TLN2: variants seen among roughly 807,000 people sequenced by gnomAD.
TLN2 encodes the protein talin-2.
TLN2 carries 118 observed loss-of-function variants against 294.7 expected under a neutral mutation model. The observed-to-expected ratio is 0.40, with a 90% CI of 0.34 to 0.47. TLN2 has a LOEUF of 0.47. Among genes scored for constraint, TLN2 ranks in the 20% least tolerant of loss-of-function variants. The pLI, the probability that TLN2 is intolerant of heterozygous loss-of-function variation, is 0.84. For synonymous variants in TLN2, 1,431 were observed against 1,304.5 expected (o/e 1.10, Z -2.09); for missense variants, 3,083 against 3,282.2 (o/e 0.94, Z 1.48).
chr15:62,757,264 C>A (rs1595892217), intron 37 of TLN2, among the ~76,000 whole-genome samples: 1 of 152,210 alleles, frequency 6.6e-6, no homozygotes, highest in Non-Finnish European at 1.5e-5. Flanking sequence ...ATGCTGTTCA[C>A]CTCTTTGGGA....
At chr15:62,466,974 C>G (rs1280603221) in intron 1 of TLN2, among the ~76,000 whole-genome samples, 1 of 152,154 alleles carries the variant, frequency 6.6e-6, no homozygotes, top group Non-Finnish European at 1.5e-5. Flanking sequence ...ATTCTGAAAG[C>G]CAGTGAAGAA....
chr15:62,641,968 C>A (rs2051170330), intron 3 of TLN2, among the ~76,000 whole-genome samples: 1 of 152,198 alleles, frequency 6.6e-6, no homozygotes. Flanking sequence ...CCTGAGCAGC[C>A]TGCACTGCTG....
At chr15:62,761,527 C>G (rs970520734) in intron 37 of TLN2, among the ~76,000 whole-genome samples, 154 bp from the exon 38 acceptor site, 1 of 152,106 alleles carries the variant, frequency 6.6e-6, no homozygotes, top group African/African-American at 2.4e-5. Flanking sequence ...TGGCAGGGGT[C>G]TCTTTCATCA....
intron 1 of TLN2, among the ~76,000 whole-genome samples, chr15:62,504,081 C>T (rs1027607294): frequency 6.6e-6 from 1 of 152,168 alleles, no homozygotes; most frequent in Admixed American, 6.5e-5. Flanking sequence ...AATTATTTTG[C>T]AGAGATTTGC....
At chr15:62,470,233 G>T (rs1372597023) in intron 1 of TLN2, among the ~76,000 whole-genome samples, 1 of 152,144 alleles carries the variant, frequency 6.6e-6, no homozygotes, top group Non-Finnish European at 1.5e-5. Flanking sequence ...GGACCCATTC[G>T]GGAGGATGGC....
intron 58 of TLN2, 121 bp downstream of exon 58, chr15:62,839,102 G>A: frequency 1.5e-6 from 2 of 1,358,686 alleles, no homozygotes; most frequent in Non-Finnish European, 2.0e-6. Context: ...CAGAGATGGT[G>A]TGGTGTTTCC....
At chr15:62,769,390 G>A (rs1458431943) in intron 41 of TLN2, among the ~76,000 whole-genome samples, 4 of 152,142 alleles carry the variant, frequency 2.6e-5, no homozygotes, top group Non-Finnish European at 5.9e-5. Context: ...GGCTGAAGTG[G>A]GAAGTAGGGA....
At chr15:62,635,122 T>C (rs913728006) in intron 3 of TLN2, among the ~76,000 whole-genome samples, 3 of 152,176 alleles carry the variant, frequency 2.0e-5, no homozygotes, top group Admixed American at 2.0e-4. Context: ...TTAATGCATA[T>C]TCATTTAACT....
At chr15:62,547,410 A>G (rs2042055247) in intron 1 of TLN2, among the ~76,000 whole-genome samples, 1 of 152,226 alleles carries the variant, frequency 6.6e-6, no homozygotes, top group Non-Finnish European at 1.5e-5. Flanking sequence ...TTCAGTGGAC[A>G]TAGTACTGGG....
chr15:62,476,754 C>T (rs1259223896), intron 1 of TLN2, among the ~76,000 whole-genome samples: 1 of 152,206 alleles, frequency 6.6e-6, no homozygotes, highest in Non-Finnish European at 1.5e-5. Context: ...CTTTACTGGC[C>T]TTCGAGAAAG....
intron 1 of TLN2, among the ~76,000 whole-genome samples, chr15:62,553,835 T>G (rs2042456740): frequency 6.6e-6 from 1 of 152,180 alleles, no homozygotes; most frequent in South Asian, 2.1e-4. Flanking sequence ...TTAAAATGCT[T>G]AAGTTGTCAA....
At chr15:62,456,361 T>A (rs1595847875) in intron 1 of TLN2, among the ~76,000 whole-genome samples, 1 of 152,214 alleles carries the variant, frequency 6.6e-6, no homozygotes, top group Non-Finnish European at 1.5e-5. Context: ...AGCTGCAGCC[T>A]CAGCCGCACG....
At position 62,572,010 on chromosome 15, in the gene TLN2, T is replaced by C. The variant is rs180776284; in HGVS notation, c.-237-17677T>C. Among the ~76,000 whole-genome samples, 660 of 152,334 alleles carry C rather than the reference T, an allele frequency of 4.3e-3. 5 individuals carry two copies. Among genetic ancestry groups the C allele is most frequent in the African/African-American group, 0.015 (635 of 41,578 alleles). Reference sequence around the variant, plus strand: ...ATCTTTTGTGCCTTTGTGTCTGATGTGCTGATATGGGAGGGTGCGGAGCCT... The same window carrying C: ...ATCTTTTGTGCCTTTGTGTCTGATGCGCTGATATGGGAGGGTGCGGAGCCT... On this transcript the variant is annotated intron_variant, in intron 1 of 58. Transcript: ENST00000636159.
intron 1 of TLN2, among the ~76,000 whole-genome samples, chr15:62,413,818 C>A (rs1018331704): frequency 1.3e-5 from 2 of 152,134 alleles, no homozygotes; most frequent in Non-Finnish European, 2.9e-5. Context: ...AATCTGAAGC[C>A]TTTGACATTT....
chr15:62,619,086 AT>A (rs11334952), intron 3 of TLN2, among the ~76,000 whole-genome samples: 21,548 of 146,710 alleles, frequency 0.15, 1,664 homozygotes, highest in South Asian at 0.21. Flanking sequence ...GAGATGTTTG[AT>A]TTTTTTTTTT....
chr15:62,763,311 G>A (rs527580224), intron 39 of TLN2: 1 of 327,492 alleles, frequency 3.1e-6, no homozygotes, highest in East Asian at 4.8e-5. Flanking sequence ...CAGTTGCCTG[G>A]TATCAGCCTA....
intron 1 of TLN2, among the ~76,000 whole-genome samples, chr15:62,440,304 T>TA (rs1253687156): frequency 6.6e-6 from 1 of 152,160 alleles, no homozygotes; most frequent in East Asian, 1.9e-4. Context: ...TGGTATGACT[T>TA]ACCTCTTTAA....
intron 37 of TLN2, among the ~76,000 whole-genome samples, chr15:62,755,991 C>T (rs1306360361): frequency 1.3e-5 from 2 of 152,170 alleles, no homozygotes; most frequent in African/African-American, 2.4e-5. Context: ...TATAGGGCCT[C>T]TCTTAGCACT....
chr15:62,643,203 T>G (rs894585871), intron 3 of TLN2, among the ~76,000 whole-genome samples: 1 of 152,148 alleles, frequency 6.6e-6, no homozygotes, highest in Non-Finnish European at 1.5e-5. Context: ...TAAAATATCT[T>G]GTCTTTAAAT....
Sources: gnomAD v4.1 joint callset for allele counts (sites outside exome capture counted in the v4.1 genomes callset) on GRCh38, gnomAD v4.1.1 for gene constraint, MANE v1.5 for transcripts, NCBI Gene and HGNC (gene_info 2026-07-23, HGNC 2026-07-21) for gene names.